The following ZNF573 variants were observed in gnomAD, a reference collection of about 807,000 sequenced individuals.
The protein encoded by ZNF573 is zinc finger protein 573.
A neutral mutation model predicts 57.4 loss-of-function variants in ZNF573; 41 were observed. That is an observed-to-expected ratio of 0.71 (90% confidence interval 0.56 to 0.93). The LOEUF (loss-of-function observed/expected upper bound fraction) is 0.93. Ranked by LOEUF, ZNF573 falls within the 40% of genes least tolerant of loss-of-function variation. The pLI is 0.00. For synonymous variants in ZNF573, 249 were observed against 261.0 expected (o/e 0.95, Z 0.44); for missense variants, 730 against 794.8 (o/e 0.92, Z 0.98).
intron 4 of ZNF573, among the ~76,000 whole-genome samples, chr19:37,762,091 C>T (rs373758531): frequency 2.6e-5 from 4 of 152,264 alleles, no homozygotes; most frequent in African/African-American, 9.6e-5. Context: ...TCATGTGATA[C>T]AATGGGAAGA....
At chr19:37,765,661 G>C (rs1292627463) in intron 4 of ZNF573, among the ~76,000 whole-genome samples, 1 of 152,080 alleles carries the variant, frequency 6.6e-6, no homozygotes, top group Non-Finnish European at 1.5e-5. Flanking sequence ...AGTGAGCTGA[G>C]ATTGTGCCAT....
chr19:37,769,206 G>A (rs1295134500), intron 4 of ZNF573, among the ~76,000 whole-genome samples: 2 of 149,842 alleles, frequency 1.3e-5, no homozygotes, highest in African/African-American at 2.5e-5. Context: ...CTGACCTCCT[G>A]AGCCACCCAC....
intron 4 of ZNF573, among the ~76,000 whole-genome samples, chr19:37,753,168 T>C (rs757858029): frequency 2.6e-5 from 4 of 152,174 alleles, no homozygotes; most frequent in African/African-American, 4.8e-5. Flanking sequence ...TTTAGTTATA[T>C]ATTAGTGTAC....
rs199556725 is a variant in ZNF573 at position 37,740,107 on chromosome 19, T to A, written c.383A>T (p.Tyr128Phe). The change falls in exon 5 of 5, where the codon TAT (tyrosine) becomes TTT (phenylalanine). Residue 128 changes from tyrosine to phenylalanine, a missense_variant. Transcript: ENST00000536220. Reference sequence around the variant, plus strand: ...ACATTCATAGAGTTTCTCTCTCTTATATATGCTCTGAAGTTGTGTAGAGGA... The same window carrying A: ...ACATTCATAGAGTTTCTCTCTCTTAAATATGCTCTGAAGTTGTGTAGAGGA... ...DISSTQLQSI[Y>F]KREKLYECKK... is the part of the protein sequence containing the mutation. 1 of 1,613,858 alleles carries A rather than the reference T, an allele frequency of 6.2e-7. No homozygotes were observed. Among genetic ancestry groups the A allele is most frequent in the Admixed American group, 1.7e-5 (1 of 60,006 alleles).
intron 3 of ZNF573, among the ~76,000 whole-genome samples, chr19:37,770,765 AAAAT>A (rs991437583): frequency 1.4e-5 from 2 of 145,972 alleles, no homozygotes; most frequent in African/African-American, 2.6e-5. Context: ...AGTCTCGAAA[AAAAT>A]AAATAAATAA....
intron 4 of ZNF573, among the ~76,000 whole-genome samples, chr19:37,762,127 T>C (rs2045558857): frequency 6.6e-6 from 1 of 152,210 alleles, no homozygotes; most frequent in South Asian, 2.1e-4. Flanking sequence ...GGGGCAATTT[T>C]TCAAAATATG....
chr19:37,745,022 T>C (rs554902942), intron 4 of ZNF573, among the ~76,000 whole-genome samples: 11 of 152,064 alleles, frequency 7.2e-5, no homozygotes, highest in African/African-American at 2.4e-4. Context: ...GACCTCGTGA[T>C]GTGCCCACTT....
intron 4 of ZNF573, among the ~76,000 whole-genome samples, chr19:37,768,011 G>A (rs1212330401): frequency 6.6e-6 from 1 of 152,076 alleles, no homozygotes; most frequent in Non-Finnish European, 1.5e-5. Context: ...CTCTCTCCTT[G>A]TTTAGAAATA....
chr19:37,770,832 TTATATATATATATA>T (rs58757674), intron 3 of ZNF573, among the ~76,000 whole-genome samples: 972 of 93,732 alleles, frequency 0.01, 88 homozygotes, highest in African/African-American at 0.05. Context: ...TTAAGTTATT[TTATATATATATATA>T]TATATATATA....
At chr19:37,776,041 C>T (rs992814494) in intron 1 of ZNF573, among the ~76,000 whole-genome samples, 20 of 151,858 alleles carry the variant, frequency 1.3e-4, no homozygotes, top group African/African-American at 4.4e-4. Flanking sequence ...ATCAGTATGG[C>T]GAAAATGACC....
At chr19:37,762,493 C>A (rs1284772332) in intron 4 of ZNF573, among the ~76,000 whole-genome samples, 3 of 151,866 alleles carry the variant, frequency 2.0e-5, no homozygotes, top group Non-Finnish European at 4.4e-5. Flanking sequence ...AATGGGAATC[C>A]CATTCTGCAT....
chr19:37,750,933 T>C (rs1040236181), intron 4 of ZNF573, among the ~76,000 whole-genome samples: 4 of 151,014 alleles, frequency 2.6e-5, no homozygotes, highest in Admixed American at 2.0e-4. Context: ...GCCAAAACAA[T>C]CTTGAAAGAC....
chr19:37,741,738 T>G (rs1568415423), intron 4 of ZNF573, among the ~76,000 whole-genome samples: 1 of 152,146 alleles, frequency 6.6e-6, no homozygotes, highest in Non-Finnish European at 1.5e-5. Context: ...GGGCAAAAGC[T>G]GGAAGCATTC....
chr19:37,779,140 C>A (rs377689145), intron 1 of ZNF573, among the ~76,000 whole-genome samples: 191 of 149,126 alleles, frequency 1.3e-3, no homozygotes, highest in African/African-American at 4.6e-3. Context: ...CACCGCAGTG[C>A]CACCGCAATC....
At chr19:37,758,689 C>T (rs1379559412) in intron 4 of ZNF573, 1 of 151,642 alleles carries the variant, frequency 6.6e-6, no homozygotes, top group Non-Finnish European at 1.5e-5. Flanking sequence ...TAAGATACTA[C>T]TGTTACTCTT....
At chr19:37,755,835 A>C (rs1466105970) in intron 4 of ZNF573, among the ~76,000 whole-genome samples, 2 of 21,008 alleles carry the variant, frequency 9.5e-5, no homozygotes, top group East Asian at 8.3e-4. Flanking sequence ...GGTTCTTCGC[A>C]AAAAAAAAAA....
At position 37,739,020 on chromosome 19, in the gene ZNF573, T is replaced by G. The variant is rs775899001; in HGVS notation, c.1470A>C (p.Lys490Asn). The G allele has an allele frequency of 9.9e-6, 16 of 1,613,288 alleles. No individual in the cohort carries two copies. The highest frequency in any genetic ancestry group is 4.0e-5 in the African/African-American group (3 of 74,832). Residue 490 changes from lysine (K) to asparagine (N), a missense_variant, in exon 5 of 5, where the codon AAA becomes AAC. Transcript: ENST00000536220. ...TATAGGGTTTCTCACCAGTATGAGT[T>G]TTCCGATGTTGAATAAGGTTTGAGC... is the stretch of plus-strand genomic sequence containing the variant. Reference protein sequence around the residue: ...STGSNLIQHRKTHTGEKPYKC... With the variant: ...STGSNLIQHRNTHTGEKPYKC...
rs1403034981 is a variant in ZNF573 at position 37,738,656 on chromosome 19, A to C, written c.1834T>G (p.Cys612Gly). ...CTGAAGGCCTTCCCACATTCTTTAC[A>C]TTCATAAGGTTTTCCACCAGTATGA... ...KIHTGGKPYE[C>G]KECGKAFSRA... is the part of the protein sequence containing the mutation. The change falls in exon 5 of 5, where the codon TGT becomes GGT. Residue 612 changes from cysteine (C) to glycine (G), a missense_variant. Physicochemically the swap from Cys to Gly is radical, Grantham distance 159. Coordinates refer to ENST00000536220, the MANE Select transcript of ZNF573 (RefSeq NM_001172690.2). 1.2e-6 allele frequency: 2 copies of C among 1,611,366 alleles called. No individual in the cohort carries two copies. Among genetic ancestry groups the C allele is most frequent in the Middle Eastern group, 3.3e-4 (2 of 6,016 alleles).
intron 4 of ZNF573, among the ~76,000 whole-genome samples, chr19:37,758,193 G>C: frequency 4.4e-5 from 1 of 22,886 alleles, no homozygotes. Flanking sequence ...AGAACTTAAA[G>C]TATAATAAAA....
Sources: allele counts gnomAD v4.1 joint callset (sites outside exome capture counted in the v4.1 genomes callset), GRCh38; gene constraint gnomAD v4.1.1; transcripts MANE v1.5; gene names NCBI Gene and HGNC (gene_info 2026-07-23, HGNC 2026-07-21).